Variants in LSM8 observed in about 807,000 individuals in gnomAD.
The protein encoded by LSM8 is LSM8 homolog, U6 small nuclear RNA associated.
LSM8 carries 14 observed loss-of-function variants against 15.0 expected under a neutral mutation model. That is an observed-to-expected ratio of 0.93 (90% CI 0.62 to 1.46). The LOEUF (loss-of-function observed/expected upper bound fraction) is 1.46. LSM8 is among the 40% of genes most tolerant of loss of function. The pLI is 0.00. For missense variants in LSM8, 90 were observed against 115.4 expected (o/e 0.78, Z 1.01); for synonymous variants, 50 against 42.1 (o/e 1.19, Z -0.73).
Position 118,199,142 on chromosome 7 carries a change from A to G in LSM8, c.*7140A>G, listed in dbSNP as rs1809128617. 6.6e-6 allele frequency among the ~76,000 whole-genome samples: 1 copy of G among 152,118 alleles called. No individual in the cohort carries two copies. Among genetic ancestry groups the G allele is most frequent in the African/African-American group, 2.4e-5 (1 of 41,422 alleles). The stretch of plus-strand genomic sequence containing the variant: ...TTTCCATTTACTGATTTTAATCTAT[A>G]TCCTCTCACTATAATCTGCAACTGG... On this transcript the variant is annotated 3_prime_UTR_variant, in exon 4 of 4. Transcript: ENST00000249299.
rs1410021330 is a variant in LSM8, at chr7:118,198,056, T to C, written c.*6054T>C. ...ATAATTTTGGTGAAAAGAAAAACTA[T>C]GAAAATTCTGGACAGGACTGGAAAT... On this transcript the variant is annotated 3_prime_UTR_variant, in exon 4 of 4. Transcript: ENST00000249299. Among the ~76,000 whole-genome samples the C allele has an allele frequency of 6.6e-6, 1 of 151,790 alleles. No individual in the cohort carries two copies. Among genetic ancestry groups the C allele is most frequent in the Non-Finnish European group, 1.5e-5 (1 of 68,020 alleles).
At chr7:118,188,490 T>G in intron 3 of LSM8, 85 bp downstream of exon 3, 1 of 1,216,452 alleles carries the variant, frequency 8.2e-7, no homozygotes, top group Non-Finnish European at 1.2e-6. Context: ...CCCTACTGTA[T>G]TGTCCATACA....
Position 118,196,855 on chromosome 7 carries a change from G to A in LSM8, c.*4853G>A, listed in dbSNP as rs142595540. Among the ~76,000 whole-genome samples the A allele has an allele frequency of 1.8e-3, 277 of 151,458 alleles. No individual in the cohort carries two copies. Among genetic ancestry groups the A allele is most frequent in the Admixed American group, 3.4e-3 (52 of 15,194 alleles). On this transcript the variant is annotated 3_prime_UTR_variant, in exon 4 of 4. Coordinates refer to ENST00000249299, the MANE Select transcript of LSM8 (RefSeq NM_016200.5). ...AGCGATTCCCCTGCCTTAGCCTCCC[G>A]AGTAGCTGGGACTACAGGCACGCGC...
rs1809099905 is a variant in LSM8, at chr7:118,197,438, TTCATC to T, written c.*5441_*5445del. Reference sequence around the variant, plus strand: ...TGAAAATATGCACAAGCTATCATGTTTCATCTCATATCAACAAAATGATTATAATA... The same window carrying T: ...TGAAAATATGCACAAGCTATCATGTTTCATATCAACAAAATGATTATAATA... On this transcript the variant is annotated 3_prime_UTR_variant, in exon 4 of 4. Transcript: ENST00000249299. 6.7e-6 allele frequency among the ~76,000 whole-genome samples: 1 copy of T among 150,186 alleles called. No individual in the cohort carries two copies. Among genetic ancestry groups the T allele is most frequent in the African/African-American group, 2.5e-5 (1 of 40,772 alleles).
Position 118,201,343 on chromosome 7 carries a change from A to G in LSM8, c.*9341A>G, listed in dbSNP as rs1809170712. On this transcript the variant is annotated 3_prime_UTR_variant, in exon 4 of 4. Coordinates refer to ENST00000249299, the MANE Select transcript of LSM8 (RefSeq NM_016200.5). ...TAGAGAGAGTCTCCTAGTTGATACCAACTCAGGAAAGCAGAATCAAGCAAT... is the reference window on the plus strand; with the variant it reads ...TAGAGAGAGTCTCCTAGTTGATACCGACTCAGGAAAGCAGAATCAAGCAAT... Among the ~76,000 whole-genome samples the G allele has an allele frequency of 6.6e-6, 1 of 152,016 alleles. No homozygotes were observed. The highest frequency in any genetic ancestry group is 6.6e-5 in the Admixed American group (1 of 15,232).
rs1020161888 is a variant in LSM8, at chr7:118,192,164, A to C, written c.*162A>C. ...ATTTCTACATTTTATTGAAAAAAAAACCTTTTTTTTTGCCTAAATATAAGT... is the reference window on the plus strand; with the variant it reads ...ATTTCTACATTTTATTGAAAAAAAACCCTTTTTTTTTGCCTAAATATAAGT... On this transcript the variant is annotated 3_prime_UTR_variant, in exon 4 of 4. Coordinates refer to ENST00000249299, the MANE Select transcript of LSM8 (RefSeq NM_016200.5). 92 of 455,030 alleles carry C rather than the reference A, an allele frequency of 2.0e-4. No homozygotes were observed. Among genetic ancestry groups the C allele is most frequent in the Middle Eastern group, 6.2e-4 (1 of 1,610 alleles). 28.2% of individuals were successfully genotyped at this position (455,030 alleles called of 1,614,324 possible).
Position 118,203,639 on chromosome 7 carries a change from A to G in LSM8, c.*11637A>G, listed in dbSNP as rs189067035. On this transcript the variant is annotated 3_prime_UTR_variant, in exon 4 of 4. Coordinates refer to ENST00000249299, the MANE Select transcript of LSM8 (RefSeq NM_016200.5). The stretch of plus-strand genomic sequence containing the variant: ...GAAGTGTACCAATTTTTGGAGCACT[A>G]TAAAAAGTGAAAAGTCATCTGCCAG... Among the ~76,000 whole-genome samples the G allele has an allele frequency of 5.6e-3, 846 of 151,984 alleles. 5 individuals carry two copies. The highest frequency in any genetic ancestry group is 0.01 in the Middle Eastern group (3 of 294).
Position 118,198,619 on chromosome 7 carries a change from G to T in LSM8, c.*6617G>T, listed in dbSNP as rs1490395537. Among the ~76,000 whole-genome samples the T allele has an allele frequency of 6.6e-6, 1 of 152,148 alleles. No homozygotes were observed. The highest frequency in any genetic ancestry group is 1.5e-5 in the Non-Finnish European group (1 of 68,034). ...TCATGGAAATGGATGACTTGTGCTT[G>T]ACCCTAAGGATAGTAAGGATTTCCA... On this transcript the variant is annotated 3_prime_UTR_variant, in exon 4 of 4. Transcript: ENST00000249299.
At position 118,188,532 on chromosome 7, in the gene LSM8, G is replaced by A. The variant is rs184395098; in HGVS notation, c.200+127G>A. On this transcript the variant is annotated intron_variant, in intron 3 of 3. Transcript: ENST00000249299. ...ATAGAATCTTGCATTCATTTCTTTC[G>A]TAAATATACCTTTTCTTATGTTTGT... 2,996 of 809,724 alleles carry A rather than the reference G, an allele frequency of 3.7e-3. 8 individuals are homozygous for A. Among genetic ancestry groups the A allele is most frequent in the Non-Finnish European group, 4.9e-3 (2,680 of 550,104 alleles). The allele number at this position is 809,724 out of a possible 1,614,324, so 50.2% of individuals were successfully genotyped here.
chr7:118,184,278 G>T lies in LSM8; in HGVS notation c.31+24G>T, dbSNP rs1229153585. The T allele has an allele frequency of 2.0e-6, 3 of 1,473,938 alleles. No individual in the cohort carries two copies. The Admixed American group carries it at 6.9e-5, about 34-fold the overall frequency. 91.3% of individuals were successfully genotyped at this position (1,473,938 alleles called of 1,614,324 possible). On this transcript the variant is annotated intron_variant, in intron 1 of 3. Coordinates refer to ENST00000249299, the MANE Select transcript of LSM8 (RefSeq NM_016200.5). ...CCGTATCCTCAAGCTGGCCGCCGCG[G>T]GCGTGAGCCGGGGTCGCGGAGAGGC...
At chr7:118,185,573 A>G in intron 1 of LSM8, 81 bp from the exon 2 acceptor site, 1 of 1,268,706 alleles carries the variant, frequency 7.9e-7, no homozygotes, top group Non-Finnish European at 1.1e-6. Context: ...TATTTATTCT[A>G]AAAATTCAAA....
In LSM8 at chr7:118,195,457, T is replaced by C. The variant is rs954238070; in HGVS notation, c.*3455T>C. 3.9e-5 allele frequency among the ~76,000 whole-genome samples: 6 copies of C among 152,198 alleles called. No homozygotes were observed. Among genetic ancestry groups the C allele is most frequent in the Non-Finnish European group, 7.3e-5 (5 of 68,038 alleles). Reference sequence around the variant, plus strand: ...GGCCAATGTATAAAAGTTAAAAATATAGGTCTTGTCAGCTTTTTAAGCGTC... The same window carrying C: ...GGCCAATGTATAAAAGTTAAAAATACAGGTCTTGTCAGCTTTTTAAGCGTC... On this transcript the variant is annotated 3_prime_UTR_variant, in exon 4 of 4. Coordinates refer to ENST00000249299, the MANE Select transcript of LSM8 (RefSeq NM_016200.5).
At chr7:118,184,976 T>C (rs147301899) in intron 1 of LSM8, 1 of 152,334 alleles carries the variant, frequency 6.6e-6, no homozygotes, top group African/African-American at 2.4e-5. Flanking sequence ...CAGAAGCCTG[T>C]CCTGGAAGAC....
Position 118,192,621 on chromosome 7 carries a change from CAG to C in LSM8, c.*623_*624del, listed in dbSNP as rs1267692205. On this transcript the variant is annotated 3_prime_UTR_variant, in exon 4 of 4. Coordinates refer to ENST00000249299, the MANE Select transcript of LSM8 (RefSeq NM_016200.5). ...GAATGACTAGGAATGGTAGAATTGA[CAG>C]AGATGATTAGTAAAGTCTCTTGATG... The C allele has an allele frequency of 1.3e-5, 2 of 152,056 alleles. No homozygotes were observed. Among genetic ancestry groups the C allele is most frequent in the African/African-American group, 4.8e-5 (2 of 41,408 alleles). The allele number at this position is 152,056 out of a possible 1,614,324, so 9.4% of individuals were successfully genotyped here. A position where few individuals can be genotyped will look rare whatever the true frequency, so the allele number is the denominator to read the frequency against.
Position 118,192,092 on chromosome 7 carries a change from C to A in LSM8, c.*90C>A, listed in dbSNP as rs1808992109. ...ATATGGAGTTTTTATGAGTGTGTCA[C>A]TGGATTTTGACTCCTTATTGATTCA... On this transcript the variant is annotated 3_prime_UTR_variant, in exon 4 of 4. Coordinates refer to ENST00000249299, the MANE Select transcript of LSM8 (RefSeq NM_016200.5). The A allele has an allele frequency of 6.0e-6, 5 of 828,418 alleles. 1 individual carries two copies. The Admixed American group carries it at 1.2e-4, about 20-fold the overall frequency. 51.3% of individuals were successfully genotyped at this position (828,418 alleles called of 1,614,324 possible).
At position 118,195,230 on chromosome 7, in the gene LSM8, A is replaced by G. The variant is rs17580223; in HGVS notation, c.*3228A>G. Among the ~76,000 whole-genome samples, 10,441 of 152,248 alleles carry G rather than the reference A, an allele frequency of 0.069. 494 individuals are homozygous for G. The highest frequency in any genetic ancestry group is 0.11 in the Non-Finnish European group (7,144 of 67,988). On this transcript the variant is annotated 3_prime_UTR_variant, in exon 4 of 4. Transcript: ENST00000249299. ...AGCGAAGGAAAGTGGTGGAATTATT[A>G]AAAGACCTAGCACTTACCTGCTGGG... is the stretch of plus-strand genomic sequence containing the variant.
Position 118,195,768 on chromosome 7 carries a change from C to G in LSM8, c.*3766C>G, listed in dbSNP as rs1809067485. Among the ~76,000 whole-genome samples the G allele has an allele frequency of 6.6e-6, 1 of 152,092 alleles. No individual in the cohort carries two copies. Among genetic ancestry groups the G allele is most frequent in the Admixed American group, 6.5e-5 (1 of 15,274 alleles). On this transcript the variant is annotated 3_prime_UTR_variant, in exon 4 of 4. Transcript: ENST00000249299. ...TTAAAAAAACTTGGGCTGTGAATCT[C>G]AGTTTTAAGTCATGGGCAAATTTGA...
At chr7:118,190,831 A>C (rs1808966243) in intron 3 of LSM8, 1 of 152,154 alleles carries the variant, frequency 6.6e-6, no homozygotes, top group African/African-American at 2.4e-5. Context: ...TTGGCCGGGC[A>C]CAGTGGCTCA....
intron 3 of LSM8, chr7:118,189,869 A>G (rs1808950026): frequency 6.6e-6 from 1 of 152,226 alleles, no homozygotes; most frequent in Non-Finnish European, 1.5e-5. Flanking sequence ...CTTGAAAAAA[A>G]AAAGAAAAGT....
Sources: gnomAD v4.1 joint callset for allele counts (sites outside exome capture counted in the v4.1 genomes callset) on GRCh38, gnomAD v4.1.1 for gene constraint, MANE v1.5 for transcripts, NCBI Gene and HGNC (gene_info 2026-07-23, HGNC 2026-07-21) for gene names.